The following SLC39A8 variants were observed in gnomAD, a reference collection of about 807,000 sequenced individuals.
SLC39A8 encodes the protein solute carrier family 39 member 8, also known as metal cation symporter ZIP8.
In SLC39A8, 15 loss-of-function variants were observed where a neutral mutation model predicts 40.4. The observed-to-expected ratio is 0.37, with a 90% CI of 0.25 to 0.57. The LOEUF (loss-of-function observed/expected upper bound fraction) is 0.57, where lower values mean the gene tolerates loss of function less well. SLC39A8 is among the 20% of genes least tolerant of loss of function. SLC39A8 has a pLI of 0.75. For synonymous variants in SLC39A8, 223 were observed against 221.6 expected, an observed-to-expected ratio of 1.01 and a Z score of -0.06; for missense variants, 472 against 558.8, an observed-to-expected ratio of 0.84 and a Z score of 1.57.
Position 102,255,007 on chromosome 4 carries a change from T to G in SLC39A8, c.*299-1577A>C, listed in dbSNP as rs529965583. 3.3e-5 allele frequency among the ~76,000 whole-genome samples: 5 copies of G among 152,320 alleles called. No homozygotes were observed. The East Asian group carries it at 9.6e-4, about 29-fold the overall frequency. On this transcript the variant is annotated intron_variant and NMD_transcript_variant, in intron 11 of 11. Transcript: ENST00000424970. ...AAAAAAAGTAAAATATGTACAATGT[T>G]TCTATGTATTCCAAAGTGAAATAAA...
At chr4:102,297,070 T>G (rs1279922458) in intron 6 of SLC39A8, among the ~76,000 whole-genome samples, 1 of 151,986 alleles carries the variant, frequency 6.6e-6, no homozygotes, top group Non-Finnish European at 1.5e-5. Context: ...AATGAATAAT[T>G]TAATTTAATT....
chr4:102,289,225 G>A (rs1733315092), intron 6 of SLC39A8, among the ~76,000 whole-genome samples: 1 of 152,124 alleles, frequency 6.6e-6, no homozygotes, highest in African/African-American at 2.4e-5. Context: ...AGCCTGGATG[G>A]TAACACATCT....
intron 11 of SLC39A8, among the ~76,000 whole-genome samples, chr4:102,253,670 C>T (rs1435487218): frequency 3.3e-5 from 5 of 151,820 alleles, no homozygotes; most frequent in East Asian, 1.9e-4. Flanking sequence ...CCGGTAAGTA[C>T]GTGTTTATTG....
chr4:102,257,780 C>T (rs1295720815), downstream of SLC39A8, among the ~76,000 whole-genome samples: 1 of 152,214 alleles, frequency 6.6e-6, no homozygotes, highest in Non-Finnish European at 1.5e-5. Flanking sequence ...CACTTACCAA[C>T]TTACTAACAC....
intron 6 of SLC39A8, among the ~76,000 whole-genome samples, chr4:102,276,632 A>C (rs930116752): frequency 3.3e-5 from 5 of 152,224 alleles, no homozygotes; most frequent in African/African-American, 9.6e-5. Context: ...TCCCTAGCTC[A>C]TTTTATGAGG....
At chr4:102,321,000 A>C (rs1734942108) in intron 2 of SLC39A8, among the ~76,000 whole-genome samples, 1 of 151,966 alleles carries the variant, frequency 6.6e-6, no homozygotes, top group South Asian at 2.1e-4. Flanking sequence ...AAACCATAAA[A>C]GTCTAGGTAT....
chr4:102,321,867 C>A (rs1297336306), intron 2 of SLC39A8, among the ~76,000 whole-genome samples: 1 of 152,102 alleles, frequency 6.6e-6, no homozygotes, highest in African/African-American at 2.4e-5. Flanking sequence ...GGAGAATCAG[C>A]ATATAGAAAG....
chr4:102,315,213 A>G (rs898513701), intron 3 of SLC39A8, among the ~76,000 whole-genome samples: 1 of 152,158 alleles, frequency 6.6e-6, no homozygotes, highest in African/African-American at 2.4e-5. Flanking sequence ...ACCTATGAAA[A>G]TTAAAACTAA....
chr4:102,280,788 A>G (rs1234244729), intron 6 of SLC39A8, among the ~76,000 whole-genome samples: 3 of 152,230 alleles, frequency 2.0e-5, no homozygotes, highest in Non-Finnish European at 4.4e-5. Context: ...ACAAGAAAAT[A>G]ACAATTTCTA....
intron 6 of SLC39A8, 61 bp downstream of exon 6, chr4:102,304,256 G>T: frequency 1.5e-6 from 2 of 1,291,316 alleles, no homozygotes; most frequent in East Asian, 5.0e-5. Flanking sequence ...TGCATAAACA[G>T]TCATGTTTAC....
chr4:102,266,779 T>G (rs1479421639), intron 8 of SLC39A8, among the ~76,000 whole-genome samples: 1 of 152,096 alleles, frequency 6.6e-6, no homozygotes, highest in East Asian at 1.9e-4. Flanking sequence ...GGCTAATTTT[T>G]GTAGTTTCAG....
chr4:102,272,350 G>A (rs539339311), intron 6 of SLC39A8, among the ~76,000 whole-genome samples: 18 of 151,942 alleles, frequency 1.2e-4, no homozygotes, highest in African/African-American at 4.3e-4. Context: ...GAGGCAGGAG[G>A]ATGGTGTGAA....
chr4:102,344,614 C>G lies in SLC39A8; in HGVS notation c.49G>C (p.Gly17Arg). The change falls in exon 2 of 9, where the codon GGC (glycine) becomes CGC (arginine). Residue 17 changes from glycine to arginine, a missense_variant. By Grantham distance (125) the Gly-to-Arg change is moderately radical. This residue lies in a region of SLC39A8 where 175 missense variants were observed against 160.5 expected (regional missense o/e 1.09). Coordinates refer to ENST00000356736, the MANE Select transcript of SLC39A8 (RefSeq NM_001135146.2). Reference sequence around the variant, plus strand: ...GGCCCCTCCGCCACTCCTCCGAGGCCGGCGGCCGCCAGCAACAGGAGCCCG... The same window carrying G: ...GGCCCCTCCGCCACTCCTCCGAGGCGGGCGGCCGCCAGCAACAGGAGCCCG... ...VAGLLLLAAA[G>R]LGGVAEGPGL... 1 of 1,539,802 alleles carries G rather than the reference C, an allele frequency of 6.5e-7. No homozygotes were observed. The highest frequency in any genetic ancestry group is 8.7e-7 in the Non-Finnish European group (1 of 1,143,304).
intron 6 of SLC39A8, among the ~76,000 whole-genome samples, chr4:102,288,891 G>A (rs1157826364): frequency 1.3e-5 from 2 of 152,152 alleles, no homozygotes; most frequent in Non-Finnish European, 2.9e-5. Context: ...AGTGCCAAGT[G>A]AAGTAGCAAG....
At chr4:102,295,528 G>C (rs1023172040) in intron 6 of SLC39A8, among the ~76,000 whole-genome samples, 1 of 151,922 alleles carries the variant, frequency 6.6e-6, no homozygotes, top group Non-Finnish European at 1.5e-5. Flanking sequence ...TGACCTAAGA[G>C]TTGGCAATAT....
At position 102,339,775 on chromosome 4, in the gene SLC39A8, T is replaced by C. The variant is rs1578633093; in HGVS notation, c.219+4669A>G. On this transcript the variant is annotated intron_variant, in intron 2 of 8. Transcript: ENST00000356736. Reference sequence around the variant, plus strand: ...CAAGTGGTCCTTACATCTCATGAAATCCACTGCAGATGGCTCCTTAGCTCC... The same window carrying C: ...CAAGTGGTCCTTACATCTCATGAAACCCACTGCAGATGGCTCCTTAGCTCC... 2.0e-5 allele frequency among the ~76,000 whole-genome samples: 3 copies of C among 152,266 alleles called. No individual in the cohort carries two copies. The East Asian group carries it at 5.8e-4, about 29-fold the overall frequency.
chr4:102,272,174 C>CA (rs1193220552), intron 6 of SLC39A8, among the ~76,000 whole-genome samples: 4 of 151,946 alleles, frequency 2.6e-5, no homozygotes, highest in Non-Finnish European at 5.9e-5. Context: ...CTCGTCTATA[C>CA]AAAAAATATA....
chr4:102,309,339 C>T (rs1295291009), intron 3 of SLC39A8, among the ~76,000 whole-genome samples: 3 of 152,088 alleles, frequency 2.0e-5, no homozygotes, highest in East Asian at 3.9e-4. Flanking sequence ...AGAATCATCA[C>T]AGCACTGACC....
intron 2 of SLC39A8, among the ~76,000 whole-genome samples, chr4:102,316,347 AAT>A (rs1734655981): frequency 6.6e-6 from 1 of 152,190 alleles, no homozygotes; most frequent in African/African-American, 2.4e-5. Flanking sequence ...GTTGTTTTAA[AAT>A]ATGTCTTTTG....
Sources: allele counts gnomAD v4.1 joint callset (sites outside exome capture counted in the v4.1 genomes callset), GRCh38; gene constraint gnomAD v4.1.1; regional missense constraint gnomAD v4.1.1; transcripts MANE v1.5; gene names NCBI Gene and HGNC (gene_info 2026-07-23, HGNC 2026-07-21).